Variants in VCL observed in about 807,000 individuals in gnomAD.
VCL encodes the protein epididymis luminal protein 114.
In VCL, 47 loss-of-function variants were observed where a neutral mutation model predicts 125.7. That is an observed-to-expected ratio of 0.37 (90% confidence interval 0.30 to 0.48). The LOEUF (loss-of-function observed/expected upper bound fraction) is 0.48. Ranked by LOEUF, VCL falls within the 20% of genes least tolerant of loss-of-function variation. VCL has a pLI of 0.99. For synonymous variants in VCL, 458 were observed against 514.6 expected (o/e 0.89, Z 1.49); for missense variants, 1,069 against 1,455.5 (o/e 0.73, Z 4.32).
intron 2 of VCL, among the ~76,000 whole-genome samples, chr10:74,047,947 T>C (rs1841220219): frequency 6.6e-6 from 1 of 152,224 alleles, no homozygotes; most frequent in Non-Finnish European, 1.5e-5. Flanking sequence ...AGCCTTTCTC[T>C]TGGGTGGAGC....
intron 1 of VCL, among the ~76,000 whole-genome samples, chr10:74,015,811 A>G (rs545361159): frequency 6.6e-6 from 1 of 151,756 alleles, no homozygotes; most frequent in Admixed American, 6.6e-5. Flanking sequence ...CAGCCTCCCA[A>G]GTATCTGGGA....
chr10:74,113,029 C>T (rs971040565), intron 19 of VCL, among the ~76,000 whole-genome samples: 1 of 152,192 alleles, frequency 6.6e-6, no homozygotes, highest in African/African-American at 2.4e-5. Context: ...TGAGATGTTA[C>T]ACCCTTCCAG....
At chr10:74,074,999 T>C in intron 6 of VCL, 96 bp downstream of exon 6, 3 of 1,508,902 alleles carry the variant, frequency 2.0e-6, no homozygotes, top group Non-Finnish European at 2.8e-6. Flanking sequence ...TTGTAATTTT[T>C]GTAGCATAAG....
At chr10:73,999,892 C>T (rs1840195104) in intron 1 of VCL, among the ~76,000 whole-genome samples, 1 of 152,168 alleles carries the variant, frequency 6.6e-6, no homozygotes, top group African/African-American at 2.4e-5. Context: ...AGAGTACATT[C>T]TTATGTAGTG....
intron 2 of VCL, among the ~76,000 whole-genome samples, chr10:74,062,429 C>T (rs1431488896): frequency 7.1e-6 from 1 of 140,848 alleles, no homozygotes; most frequent in Non-Finnish European, 1.5e-5. Context: ...TGGCCTTGAA[C>T]TCCTGGCCTC....
intron 8 of VCL, among the ~76,000 whole-genome samples, chr10:74,084,649 G>A (rs1056778835): frequency 6.6e-6 from 1 of 151,370 alleles, no homozygotes; most frequent in Non-Finnish European, 1.5e-5. Flanking sequence ...ATTCGCTCTT[G>A]TTGCCCAGGC....
intron 21 of VCL, 46 bp downstream of exon 21, chr10:74,114,945 G>A (rs780359329): frequency 1.1e-5 from 16 of 1,520,792 alleles, no homozygotes; most frequent in South Asian, 4.8e-5. Context: ...CTTCTGTGCC[G>A]TTTTGCAGTA....
At chr10:74,072,669 G>A (rs1335436429) in intron 4 of VCL, 61 bp from the exon 5 acceptor site, 1 of 1,612,930 alleles carries the variant, frequency 6.2e-7, no homozygotes, top group East Asian at 2.2e-5. Context: ...TTTAGACTGA[G>A]AAAGCCAGAC....
rs200191604 is a variant in VCL, at chr10:74,009,228, CCCG to C, written c.168+10854_168+10856del. Among the ~76,000 whole-genome samples the C allele has an allele frequency of 2.1e-4, 27 of 130,064 alleles. 1 individual carries two copies. The highest frequency in any genetic ancestry group is 7.5e-4 in the African/African-American group (24 of 32,058). 85.3% of individuals were successfully genotyped at this position (130,064 alleles called of 152,430 possible). A position where few individuals can be genotyped will look rare whatever the true frequency, so the allele number is the denominator to read the frequency against. On this transcript the variant is annotated intron_variant, in intron 1 of 21. Transcript: ENST00000211998. ...GTGGCTGCTGCTTTCCCCCCCCCCCCCCGAGCCATTTTAGTATTTAATTCTGTT... is the reference window on the plus strand; with the variant it reads ...GTGGCTGCTGCTTTCCCCCCCCCCCCAGCCATTTTAGTATTTAATTCTGTT...
At chr10:74,032,778 G>A (rs1840905757) in intron 1 of VCL, among the ~76,000 whole-genome samples, 1 of 151,336 alleles carries the variant, frequency 6.6e-6, no homozygotes, top group African/African-American at 2.4e-5. Flanking sequence ...ATATATAAAT[G>A]GTCAATACAC....
chr10:74,112,745 C>T, intron 19 of VCL, among the ~76,000 whole-genome samples: 1 of 151,996 alleles, frequency 6.6e-6, no homozygotes, highest in Admixed American at 6.6e-5. Flanking sequence ...AGAACTTTGG[C>T]CTTGGGGAAT....
chr10:74,000,182 T>C (rs1000743182), intron 1 of VCL, among the ~76,000 whole-genome samples: 2 of 151,700 alleles, frequency 1.3e-5, no homozygotes, highest in African/African-American at 4.8e-5. Flanking sequence ...AGCTTAAGAG[T>C]GTTCATGAAA....
chr10:74,114,658 G>A (rs1157545042), intron 20 of VCL, 137 bp from the exon 21 acceptor site: 1 of 1,010,236 alleles, frequency 9.9e-7, no homozygotes, highest in African/African-American at 1.6e-5. Context: ...GAAAAAACAA[G>A]TGGAATTCTG....
In VCL at chr10:74,097,092, T is replaced by C; in HGVS notation, c.1744-112T>C. 6.7e-7 allele frequency: 1 copy of C among 1,489,950 alleles called. No individual in the cohort carries two copies. The highest frequency in any genetic ancestry group is 1.1e-5 in the South Asian group (1 of 88,250). The allele number at this position is 1,489,950 out of a possible 1,614,324, so 92.3% of individuals were successfully genotyped here. ...GTGCTTTGTACACAGTTAACAAATA[T>C]TTATTGAATGAAAGACTGAATAGAT... is the stretch of plus-strand genomic sequence containing the variant. On this transcript the variant is annotated intron_variant, in intron 12 of 21. Coordinates refer to ENST00000211998, the MANE Select transcript of VCL (RefSeq NM_014000.3). This position sits in a 1 kb window ranked among gnomAD's most constrained non-coding sequence, Gnocchi z 4.1.
chr10:74,066,151 C>T (rs1381350487), intron 2 of VCL, among the ~76,000 whole-genome samples: 1 of 149,524 alleles, frequency 6.7e-6, no homozygotes, highest in East Asian at 1.9e-4. Flanking sequence ...CCTCCGCCTC[C>T]CGGGTTCAAG....
At chr10:74,054,459 T>G (rs1302748529) in intron 2 of VCL, among the ~76,000 whole-genome samples, 2 of 152,216 alleles carry the variant, frequency 1.3e-5, no homozygotes, top group Non-Finnish European at 2.9e-5. Flanking sequence ...TCTTTTAATC[T>G]ACATCCTAGT....
At chr10:74,089,115 C>G in intron 8 of VCL, 81 bp from the exon 9 acceptor site, 1 of 1,590,920 alleles carries the variant, frequency 6.3e-7, no homozygotes, top group Non-Finnish European at 8.6e-7. Flanking sequence ...TCATGAAAAC[C>G]ACATGTACTG....
In VCL at chr10:74,105,133, G is replaced by A; in HGVS notation, c.2214G>A (p.Lys738=). The part of the protein sequence containing the change: ...EAIKKDLDKC[K]VAMANIQPQM... ...TTAAAAAAGACCTGGACAAGTGCAAGGTAGCTATGGCCAACATTCAGCCTC... is the reference window on the plus strand; with the variant it reads ...TTAAAAAAGACCTGGACAAGTGCAAAGTAGCTATGGCCAACATTCAGCCTC... The change falls in exon 16 of 22, where the codon AAG becomes AAA. Residue 738 remains lysine (K), a synonymous_variant. Coordinates refer to ENST00000211998, the MANE Select transcript of VCL (RefSeq NM_014000.3). The A allele has an allele frequency of 6.2e-7, 1 of 1,614,200 alleles. No homozygotes were observed. Among genetic ancestry groups the A allele is most frequent in the Non-Finnish European group, 8.5e-7 (1 of 1,180,030 alleles).
chr10:74,024,660 A>G (rs1451064600), intron 1 of VCL, among the ~76,000 whole-genome samples: 1 of 152,000 alleles, frequency 6.6e-6, no homozygotes, highest in Non-Finnish European at 1.5e-5. Flanking sequence ...TCAAGTTTTC[A>G]TCACACCTGT....
Sources: allele counts gnomAD v4.1 joint callset (sites outside exome capture counted in the v4.1 genomes callset), GRCh38; gene constraint gnomAD v4.1.1; non-coding constraint Gnocchi (gnomAD v3.1); transcripts MANE v1.5; gene names NCBI Gene and HGNC (gene_info 2026-07-23, HGNC 2026-07-21).